The following FUT8 variants were observed in gnomAD, a reference collection of about 807,000 sequenced individuals.
FUT8 encodes alpha-(1,6)-fucosyltransferase.
FUT8 carries 29 observed loss-of-function variants against 71.3 expected under a neutral mutation model. That is an observed-to-expected ratio of 0.41 (90% CI 0.30 to 0.55). FUT8 has a LOEUF of 0.55. FUT8 is among the 20% of genes least tolerant of loss of function. The probability of loss-of-function intolerance (pLI) is 0.34; values close to 1 mark genes in which losing one functional copy is unlikely to be tolerated. For synonymous variants in FUT8, 254 were observed against 239.3 expected, an observed-to-expected ratio of 1.06 and a Z score of -0.57; for missense variants, 544 against 702.1, an observed-to-expected ratio of 0.77 and a Z score of 2.55.
intron 2 of FUT8, among the ~76,000 whole-genome samples, chr14:65,525,160 G>C (rs1197692739): frequency 6.6e-6 from 1 of 152,168 alleles, no homozygotes; most frequent in Non-Finnish European, 1.5e-5. Flanking sequence ...CCTTGTACCT[G>C]TGGTAGAATT....
At chr14:65,531,000 C>A (rs904707109) in intron 2 of FUT8, among the ~76,000 whole-genome samples, 4 of 146,342 alleles carry the variant, frequency 2.7e-5, no homozygotes, top group African/African-American at 1.0e-4. Flanking sequence ...AAAAATTGGT[C>A]TTATATTCTA....
upstream of FUT8, chr14:65,411,747 G>A (rs906745130): frequency 3.2e-6 from 1 of 314,096 alleles, no homozygotes; most frequent in African/African-American, 2.3e-5. Context: ...TGGGTCCCAA[G>A]GCTACAGGGA....
intron 3 of FUT8, among the ~76,000 whole-genome samples, chr14:65,587,912 T>C (rs923036690): frequency 6.6e-6 from 1 of 152,186 alleles, no homozygotes; most frequent in Admixed American, 6.5e-5. Flanking sequence ...TGTTTCCAAG[T>C]TGACAGCCCA....
the FUT8 span, among the ~76,000 whole-genome samples, chr14:65,381,192 TCTCA>T: frequency 1.3e-5 from 2 of 152,370 alleles, no homozygotes; most frequent in South Asian, 4.1e-4. Context: ...CTCCCTTTGC[TCTCA>T]CTAATGGAGT....
chr14:65,554,555 C>T (rs1885482686), intron 2 of FUT8, among the ~76,000 whole-genome samples: 2 of 151,632 alleles, frequency 1.3e-5, no homozygotes, highest in South Asian at 2.1e-4. Flanking sequence ...AAACGGGTAC[C>T]CTTCTTCTTT....
At chr14:65,637,588 T>C (rs1890625078) in intron 6 of FUT8, among the ~76,000 whole-genome samples, 2 of 151,958 alleles carry the variant, frequency 1.3e-5, no homozygotes, top group African/African-American at 2.4e-5. Flanking sequence ...ACAGTAAAGA[T>C]TTATTTATAT....
At chr14:65,544,093 A>C (rs1488450285) in intron 2 of FUT8, among the ~76,000 whole-genome samples, 1 of 152,108 alleles carries the variant, frequency 6.6e-6, no homozygotes, top group Non-Finnish European at 1.5e-5. Context: ...GTTTTTTGGA[A>C]AAGAAGTATA....
At chr14:65,510,238 T>A (rs1395354548) in intron 2 of FUT8, among the ~76,000 whole-genome samples, 1 of 152,120 alleles carries the variant, frequency 6.6e-6, no homozygotes, top group Non-Finnish European at 1.5e-5. Context: ...GGTGATTGAT[T>A]TGTATATGTT....
At chr14:65,625,828 A>G (rs1889868732) in intron 5 of FUT8, among the ~76,000 whole-genome samples, 1 of 152,232 alleles carries the variant, frequency 6.6e-6, no homozygotes, top group Admixed American at 6.5e-5. Flanking sequence ...GGCTATTATC[A>G]CGTATTCTCT....
chr14:65,534,865 A>ATG (rs1884189656), intron 2 of FUT8, among the ~76,000 whole-genome samples: 5 of 151,514 alleles, frequency 3.3e-5, no homozygotes. Flanking sequence ...TTTTTCAAAA[A>ATG]ACAAACTCCT....
intron 5 of FUT8, among the ~76,000 whole-genome samples, chr14:65,625,245 C>G (rs887053728): frequency 6.6e-6 from 1 of 151,802 alleles, no homozygotes; most frequent in East Asian, 1.9e-4. Flanking sequence ...GCTTATGAAA[C>G]TGAGAATATG....
At chr14:65,606,921 A>G (rs1395286406) in intron 3 of FUT8, among the ~76,000 whole-genome samples, 1 of 151,794 alleles carries the variant, frequency 6.6e-6, no homozygotes, top group Non-Finnish European at 1.5e-5. Flanking sequence ...TTTTTAATGT[A>G]TGAGGTATGT....
intron 3 of FUT8, among the ~76,000 whole-genome samples, chr14:65,596,061 T>C (rs764948326): frequency 2.0e-5 from 3 of 152,130 alleles, no homozygotes; most frequent in Non-Finnish European, 4.4e-5. Context: ...AGAAATGAAG[T>C]TTGTAGAATG....
chr14:65,598,467 C>T (rs1379953465), intron 3 of FUT8, among the ~76,000 whole-genome samples: 7 of 152,260 alleles, frequency 4.6e-5, no homozygotes, highest in Non-Finnish European at 8.8e-5. Flanking sequence ...GTGATCCACC[C>T]GCCTCGGCCT....
chr14:65,440,544 G>A (rs1467079454), intron 1 of FUT8, among the ~76,000 whole-genome samples: 2 of 151,856 alleles, frequency 1.3e-5, no homozygotes, highest in African/African-American at 2.4e-5. Flanking sequence ...TGAGATAATA[G>A]GTATGTTAAT....
intron 6 of FUT8, among the ~76,000 whole-genome samples, chr14:65,633,038 C>T (rs2140273954): frequency 6.7e-6 from 1 of 149,456 alleles, no homozygotes; most frequent in African/African-American, 2.5e-5. Context: ...CTCCCTCTCC[C>T]TCTCTTTCCA....
intron 6 of FUT8, among the ~76,000 whole-genome samples, chr14:65,655,860 C>T (rs541672543): frequency 6.6e-6 from 1 of 152,216 alleles, no homozygotes; most frequent in East Asian, 1.9e-4. Flanking sequence ...TGACAAAAAC[C>T]GTATGATCAT....
chr14:65,645,089 G>T (rs1038795864), intron 6 of FUT8, among the ~76,000 whole-genome samples: 10 of 152,240 alleles, frequency 6.6e-5, no homozygotes, highest in Non-Finnish European at 1.5e-5. Context: ...GAAATTACGT[G>T]CCTTGGAGTA....
chr14:65,621,086 A>G (rs927350509), intron 5 of FUT8, among the ~76,000 whole-genome samples: 10 of 152,126 alleles, frequency 6.6e-5, no homozygotes, highest in Non-Finnish European at 1.2e-4. Context: ...ACGACCACAC[A>G]TCTTTTGGGT....
Sources: gnomAD v4.1 joint callset for allele counts (sites outside exome capture counted in the v4.1 genomes callset) on GRCh38, gnomAD v4.1.1 for gene constraint, MANE v1.5 for transcripts, NCBI Gene and HGNC (gene_info 2026-07-23, HGNC 2026-07-21) for gene names.